The following MAJIN variants were observed in gnomAD, a reference collection of about 807,000 sequenced individuals.
MAJIN encodes the protein membrane anchored junction protein.
MAJIN carries 27 observed loss-of-function variants against 30.2 expected under a neutral mutation model. The ratio of observed to expected loss-of-function variants is 0.89; its 90% CI spans 0.66 to 1.23. The LOEUF (loss-of-function observed/expected upper bound fraction) is 1.23, where lower values mean the gene tolerates loss of function less well. Among genes scored for constraint, MAJIN ranks in the 50% most tolerant of loss-of-function variants. The pLI is 0.00. For synonymous variants in MAJIN, 78 were observed against 91.6 expected (o/e 0.85, Z 0.85); for missense variants, 253 against 260.3 (o/e 0.97, Z 0.19).
In MAJIN at chr11:64,938,278, A is replaced by T. The variant is rs1945316870; in HGVS notation, c.*297T>A. 13 of 455,934 alleles carry T rather than the reference A, an allele frequency of 2.9e-5. No individual in the cohort carries two copies. The East Asian group carries it at 4.4e-4, about 16-fold the overall frequency. 28.2% of individuals were successfully genotyped at this position (455,934 alleles called of 1,614,324 possible). A position where few individuals can be genotyped will look rare whatever the true frequency, so the allele number is the denominator to read the frequency against. ...GTCATTAGGATCCTAAGTGCCGAAG[A>T]CAAAAGGCCTAAACCGGCCCTCAGG... On this transcript the variant is annotated 3_prime_UTR_variant, in exon 11 of 11. Transcript: ENST00000301896.
At position 64,947,435 on chromosome 11, in the gene MAJIN, C is replaced by T; in HGVS notation, c.412G>A (p.Val138Met). Reference protein sequence around the residue: ...VPVEKKAVGAVMRKRKHMDEP... With the variant: ...VPVEKKAVGAMMRKRKHMDEP... The stretch of plus-strand genomic sequence containing the variant: ...TCCATGTGTTTTCGTTTCCTCATCA[C>T]AGCTCCTACTGCTTTCTTCTCAACT... The change falls in exon 8 of 11, where the codon GTG becomes ATG. Residue 138 changes from valine (V) to methionine (M), a missense_variant. By Grantham distance (21) the Val-to-Met change is conservative (BLOSUM62 1). Coordinates refer to ENST00000301896, the MANE Select transcript of MAJIN (RefSeq NM_001037225.3). 5 of 1,613,964 alleles carry T rather than the reference C, an allele frequency of 3.1e-6. No individual in the cohort carries two copies. Among genetic ancestry groups the T allele is most frequent in the Non-Finnish European group, 4.2e-6 (5 of 1,180,030 alleles).
intron 1 of MAJIN, among the ~76,000 whole-genome samples, chr11:64,965,124 T>C (rs1220987713): frequency 2.6e-5 from 4 of 152,198 alleles, no homozygotes; most frequent in Non-Finnish European, 4.4e-5. Context: ...ACTAATGACA[T>C]AAGACTACCC....
intron 3 of MAJIN, among the ~76,000 whole-genome samples, chr11:64,956,827 C>T (rs1258481728): frequency 4.5e-5 from 6 of 132,382 alleles, no homozygotes; most frequent in Non-Finnish European, 6.1e-5. Flanking sequence ...AGTGCAATAG[C>T]GCAATCTCCG....
intron 1 of MAJIN, among the ~76,000 whole-genome samples, chr11:64,964,786 T>G (rs1471150155): frequency 1.3e-5 from 2 of 151,880 alleles, no homozygotes; most frequent in African/African-American, 4.8e-5. Context: ...GGGGTTTCGC[T>G]ATGTTGCCAG....
rs536249873 is a variant in MAJIN at position 64,962,093 on chromosome 11, T to G, written c.-64-1958A>C. 2.6e-5 allele frequency among the ~76,000 whole-genome samples: 4 copies of G among 152,276 alleles called. No homozygotes were observed. In the South Asian group the frequency reaches 8.3e-4, roughly 32 times the overall value. On this transcript the variant is annotated intron_variant, in intron 1 of 10. Transcript: ENST00000301896. ...GAACCACTGCCATCTGGCCAGGGGA[T>G]TCTACTAGGATGCAATAACTTGCCT... is the stretch of plus-strand genomic sequence containing the variant.
In MAJIN at chr11:64,938,586, G is replaced by T. The variant is rs1170141849; in HGVS notation, c.*2-13C>A. On this transcript the variant is annotated splice_polypyrimidine_tract_variant and intron_variant, in intron 10 of 10. Transcript: ENST00000301896. Reference sequence around the variant, plus strand: ...CGGGAAGAGAGAGCTGCAAGAATGAGAACAGAGTAGGCTGAGACTCTATGA... The same window carrying T: ...CGGGAAGAGAGAGCTGCAAGAATGATAACAGAGTAGGCTGAGACTCTATGA... 10 of 1,535,356 alleles carry T rather than the reference G, an allele frequency of 6.5e-6. No individual in the cohort carries two copies. The highest frequency in any genetic ancestry group is 7.9e-6 in the Non-Finnish European group (9 of 1,146,428).
chr11:64,945,076 G>A (rs1300957484), intron 8 of MAJIN, among the ~76,000 whole-genome samples: 3 of 152,064 alleles, frequency 2.0e-5, no homozygotes, highest in South Asian at 2.1e-4. Context: ...TAGATGTTCC[G>A]GCTGGGCTCG....
intron 6 of MAJIN, among the ~76,000 whole-genome samples, chr11:64,948,570 C>T (rs371809870): frequency 1.4e-4 from 16 of 117,088 alleles, no homozygotes; most frequent in African/African-American, 4.6e-4. Context: ...GCTGGGACTA[C>T]AGGCATGCAC....
chr11:64,957,174 GCCAA>G (rs138960479), intron 3 of MAJIN, among the ~76,000 whole-genome samples: 247 of 152,070 alleles, frequency 1.6e-3, no homozygotes, highest in African/African-American at 5.7e-3. Context: ...ACTCCCTGGG[GCCAA>G]CCGATTCCTC....
intron 8 of MAJIN, 42 bp from the exon 9 acceptor site, chr11:64,940,688 T>C: frequency 6.4e-7 from 1 of 1,557,942 alleles, no homozygotes; most frequent in Non-Finnish European, 8.9e-7. Flanking sequence ...ACTTTCCTCC[T>C]ACACTGCATG....
At chr11:64,957,392 C>T (rs937088038) in intron 3 of MAJIN, among the ~76,000 whole-genome samples, 2 of 151,384 alleles carry the variant, frequency 1.3e-5, no homozygotes, top group Admixed American at 6.6e-5. Flanking sequence ...AAGTTCCCTT[C>T]GATTTCTAGT....
At chr11:64,948,625 ATATATATATATATATTTTTTTTTTTT>A (rs1353486889) in intron 6 of MAJIN, among the ~76,000 whole-genome samples, 2 of 39,820 alleles carry the variant, frequency 5.0e-5, no homozygotes, top group African/African-American at 3.0e-4. Context: ...ATATATATAT[ATATATATATATATATTTTTTTTTTTT>A]TTTTTTTTTT....
intron 6 of MAJIN, among the ~76,000 whole-genome samples, chr11:64,948,614 T>TC (rs1565126894): frequency 0.023 from 831 of 36,372 alleles, 80 homozygotes; most frequent in African/African-American, 0.045. Flanking sequence ...TATATATATA[T>TC]ATATATATAT....
At chr11:64,954,571 A>C (rs919588984) in intron 4 of MAJIN, 186 bp downstream of exon 4, 46 of 709,252 alleles carry the variant, frequency 6.5e-5, no homozygotes, top group Non-Finnish European at 1.1e-4. Flanking sequence ...AGGAAAACTG[A>C]GAAAGAATAC....
Position 64,968,369 on chromosome 11 carries a change from C to A in MAJIN, c.-65+3508G>T, listed in dbSNP as rs1945844427. 2.6e-5 allele frequency among the ~76,000 whole-genome samples: 4 copies of A among 152,104 alleles called. No homozygotes were observed. The South Asian group carries it at 8.3e-4, about 32-fold the overall frequency. On this transcript the variant is annotated intron_variant, in intron 1 of 10. Transcript: ENST00000301896. Reference sequence around the variant, plus strand: ...CAGGGCAGCCTCAACCTCCCAGGCTCAAGCAATCCTCCCACCTCAGCCTCC... The same window carrying A: ...CAGGGCAGCCTCAACCTCCCAGGCTAAAGCAATCCTCCCACCTCAGCCTCC...
chr11:64,952,372 G>T lies in MAJIN; in HGVS notation c.148-1942C>A, dbSNP rs567159711. 2.6e-5 allele frequency among the ~76,000 whole-genome samples: 4 copies of T among 152,172 alleles called. 1 individual carries two copies. The South Asian group carries it at 8.3e-4, about 32-fold the overall frequency. On this transcript the variant is annotated intron_variant, in intron 4 of 10. Transcript: ENST00000301896. ...CTGGCTAACTTTTGTATTTTTGGTAGAGATGGGGTTTCACTATGTTGGCCA... is the reference window on the plus strand; with the variant it reads ...CTGGCTAACTTTTGTATTTTTGGTATAGATGGGGTTTCACTATGTTGGCCA...
chr11:64,946,615 C>T (rs1565124472), intron 8 of MAJIN, among the ~76,000 whole-genome samples: 1 of 152,040 alleles, frequency 6.6e-6, no homozygotes, highest in African/African-American at 2.4e-5. Flanking sequence ...CCTTATTTCT[C>T]CTGTATGTCT....
Position 64,940,647 on chromosome 11 carries a change from C to A in MAJIN, c.474-1G>T. 1 of 1,613,700 alleles carries A rather than the reference C, an allele frequency of 6.2e-7. No individual in the cohort carries two copies. The highest frequency in any genetic ancestry group is 8.5e-7 in the Non-Finnish European group (1 of 1,179,756). The stretch of plus-strand genomic sequence containing the variant: ...CTTGTTGGGTTTTTCTTTCCCTATT[C>A]TGTTAAAAAGAAGACCAAGAAAAGC... On this transcript the variant is annotated splice_acceptor_variant, in intron 8 of 10. Coordinates refer to ENST00000301896, the MANE Select transcript of MAJIN (RefSeq NM_001037225.3). LOFTEE classifies it high-confidence loss of function.
chr11:64,964,615 G>A (rs1364614369), intron 1 of MAJIN, among the ~76,000 whole-genome samples: 1 of 147,492 alleles, frequency 6.8e-6, no homozygotes, highest in African/African-American at 2.5e-5. Context: ...TTTTTTTTGA[G>A]ACAGAGTCTC....
Sources: gnomAD v4.1 joint callset for allele counts (sites outside exome capture counted in the v4.1 genomes callset) on GRCh38, gnomAD v4.1.1 for gene constraint, MANE v1.5 for transcripts, NCBI Gene and HGNC (gene_info 2026-07-23, HGNC 2026-07-21) for gene names.